Variants in TMEM131 observed in about 807,000 individuals in gnomAD.
TMEM131 encodes transmembrane protein 131.
A neutral mutation model predicts 211.6 loss-of-function variants in TMEM131; 66 were observed. That is an observed-to-expected ratio of 0.31 (90% CI 0.26 to 0.38). TMEM131 has a LOEUF of 0.38. Ranked by LOEUF, TMEM131 falls within the 10% of genes least tolerant of loss-of-function variation. The pLI is 1.00. For missense variants in TMEM131, 2,036 were observed against 2,299.3 expected (o/e 0.89, Z 2.34); for synonymous variants, 844 against 841.3 (o/e 1.00, Z -0.06).
At chr2:97,799,703 T>C (rs927830093) in intron 25 of TMEM131, among the ~76,000 whole-genome samples, 1 of 152,234 alleles carries the variant, frequency 6.6e-6, no homozygotes, top group Non-Finnish European at 1.5e-5. Context: ...CATAGTGAAT[T>C]GTGGCAACAT....
chr2:97,766,597 A>G lies in TMEM131; in HGVS notation c.4454T>C (p.Leu1485Ser). Residue 1485 changes from leucine to serine, a missense_variant, in exon 34 of 41, where the codon TTA becomes TCA. Physicochemically the swap from Leu to Ser is moderately radical, Grantham distance 145. This residue lies in a region of TMEM131 where 1,623 missense variants were observed against 1,805.9 expected (regional missense o/e 0.90). Transcript: ENST00000186436. ...CAAAGGGGGAGTATATGGTAGTTCT[A>G]ATGAACTGAAAGACAATCAGGGATG... ...EIPTDVKPSS[L>S]ELPYTPPLES... 6.2e-7 allele frequency: 1 copy of G among 1,613,680 alleles called. No individual in the cohort carries two copies. Among genetic ancestry groups the G allele is most frequent in the Non-Finnish European group, 8.5e-7 (1 of 1,179,736 alleles).
intron 1 of TMEM131, among the ~76,000 whole-genome samples, chr2:97,943,801 A>T (rs147702896): frequency 1.3e-5 from 2 of 152,322 alleles, no homozygotes; most frequent in East Asian, 3.9e-4. Context: ...AACCTTATCA[A>T]GGTTGGGCAC....
At position 97,888,082 on chromosome 2, in the gene TMEM131, A is replaced by T. The variant is rs1675232458; in HGVS notation, c.329T>A (p.Phe110Tyr). ...ATGGAAATCCAGCATTGGTGGCTCA[A>T]ATCGTATGGGCCTGCAATTCCCCCG... ...LYRGNCRPIR[F>Y]EPPMLDFHEQ... The change falls in exon 4 of 41, where the codon TTT (phenylalanine) becomes TAT (tyrosine). Residue 110 changes from phenylalanine to tyrosine, a missense_variant. By Grantham distance (22) the Phe-to-Tyr change is conservative (BLOSUM62 3). Around this residue, in one of 3 missense-constraint regions of TMEM131, gnomAD observed 277 missense variants for 378.0 expected, o/e 0.73. Transcript: ENST00000186436. 1 of 1,613,772 alleles carries T rather than the reference A, an allele frequency of 6.2e-7. No individual in the cohort carries two copies. Among genetic ancestry groups the T allele is most frequent in the Non-Finnish European group, 8.5e-7 (1 of 1,179,766 alleles).
intron 3 of TMEM131, among the ~76,000 whole-genome samples, chr2:97,892,350 A>C (rs1277894625): frequency 6.6e-6 from 1 of 152,026 alleles, no homozygotes; most frequent in Non-Finnish European, 1.5e-5. Context: ...GATGAGGTCG[A>C]AATGATGATC....
intron 12 of TMEM131, among the ~76,000 whole-genome samples, chr2:97,817,746 CAT>C (rs1176866992): frequency 5.9e-5 from 9 of 152,186 alleles, no homozygotes; most frequent in African/African-American, 2.2e-4. Context: ...TAGATACTCT[CAT>C]AAACACTGTG....
chr2:97,859,748 G>A (rs1040946654), intron 4 of TMEM131, among the ~76,000 whole-genome samples: 1 of 152,068 alleles, frequency 6.6e-6, no homozygotes, highest in Non-Finnish European at 1.5e-5. Flanking sequence ...ACCACCACCC[G>A]GCCTCCTACC....
chr2:97,937,640 C>G (rs890153685), intron 1 of TMEM131, among the ~76,000 whole-genome samples: 1 of 152,068 alleles, frequency 6.6e-6, no homozygotes, highest in African/African-American at 2.4e-5. Context: ...ATAAAGGGAT[C>G]ACTCCATTAA....
chr2:97,920,813 T>A (rs1384102711), intron 2 of TMEM131, among the ~76,000 whole-genome samples: 2 of 152,206 alleles, frequency 1.3e-5, no homozygotes, highest in African/African-American at 4.8e-5. Context: ...GTTCAAGATC[T>A]TTATGCAGAA....
chr2:97,892,798 T>C (rs991406132), intron 3 of TMEM131, among the ~76,000 whole-genome samples: 4 of 152,218 alleles, frequency 2.6e-5, no homozygotes, highest in Admixed American at 2.0e-4. Context: ...TTTATTATTG[T>C]CTGTTTTAAG....
chr2:97,847,943 C>G lies in TMEM131; in HGVS notation c.484-3682G>C, dbSNP rs79445656. Among the ~76,000 whole-genome samples the G allele has an allele frequency of 3.2e-3, 485 of 151,376 alleles. 6 individuals carry two copies. In the East Asian group the frequency reaches 0.04, roughly 12 times the overall value. ...TTTTAAAGAAACTGACACGCTGATT[C>G]TAAAATTTAGATGATAAAGAAAGGA... On this transcript the variant is annotated intron_variant, in intron 5 of 40. Coordinates refer to ENST00000186436, the MANE Select transcript of TMEM131 (RefSeq NM_015348.2).
intron 1 of TMEM131, among the ~76,000 whole-genome samples, chr2:97,970,567 C>T (rs1016149993): frequency 2.0e-4 from 30 of 152,148 alleles, no homozygotes; most frequent in Admixed American, 1.6e-3. Flanking sequence ...TAAACCAATA[C>T]GTGAAGAAAA....
intron 1 of TMEM131, among the ~76,000 whole-genome samples, chr2:97,944,078 C>A (rs1273006313): frequency 6.6e-6 from 1 of 151,872 alleles, no homozygotes; most frequent in African/African-American, 2.4e-5. Context: ...AAGACTCAGA[C>A]TAAAAATAAA....
chr2:97,758,021 A>G (rs1573307526), intron 40 of TMEM131, among the ~76,000 whole-genome samples: 1 of 152,116 alleles, frequency 6.6e-6, no homozygotes, highest in East Asian at 1.9e-4. Context: ...AGTCCCAGCT[A>G]CTCAGGAGGC....
chr2:97,764,946 A>C (rs976044596), intron 35 of TMEM131: 3 of 152,190 alleles, frequency 2.0e-5, no homozygotes, highest in African/African-American at 7.2e-5. Context: ...TGGGCCTCAG[A>C]ACACCCCTGT....
At chr2:97,812,378 G>A (rs188522020) in intron 17 of TMEM131, 43 bp downstream of exon 17, 70 of 1,567,472 alleles carry the variant, frequency 4.5e-5, no homozygotes, top group Non-Finnish European at 5.5e-5. Flanking sequence ...TTGCAGTTTA[G>A]ACATCCATCT....
At chr2:97,995,418 G>A in intron 1 of TMEM131, 58 bp downstream of exon 1, 1 of 1,302,576 alleles carries the variant, frequency 7.7e-7, no homozygotes, top group Non-Finnish European at 9.7e-7. Flanking sequence ...AGCCCTCCCG[G>A]CCTCCGCGAG....
At chr2:97,947,356 G>A (rs1157613695) in intron 1 of TMEM131, among the ~76,000 whole-genome samples, 2 of 151,746 alleles carry the variant, frequency 1.3e-5, no homozygotes, top group African/African-American at 4.8e-5. Context: ...TTTTGATTCT[G>A]GTACAATTTT....
chr2:97,774,542 G>A (rs184829236), intron 32 of TMEM131, among the ~76,000 whole-genome samples: 1 of 152,284 alleles, frequency 6.6e-6, no homozygotes, highest in Admixed American at 6.5e-5. Flanking sequence ...TGAAGGATGT[G>A]AGTTCTGAGC....
At chr2:97,788,308 C>T (rs1680344485) in intron 31 of TMEM131, among the ~76,000 whole-genome samples, 3 of 152,200 alleles carry the variant, frequency 2.0e-5, no homozygotes. Context: ...CCCCTGCTGA[C>T]TCCCTGGGCC....
Sources: gnomAD v4.1 joint callset for allele counts (sites outside exome capture counted in the v4.1 genomes callset) on GRCh38, gnomAD v4.1.1 for gene constraint, gnomAD v4.1.1 regional missense constraint, MANE v1.5 for transcripts, NCBI Gene and HGNC (gene_info 2026-07-23, HGNC 2026-07-21) for gene names.